EXOC4: variants seen among roughly 807,000 people sequenced by gnomAD.
EXOC4 encodes the protein SEC8-like 1.
EXOC4 carries 71 observed loss-of-function variants against 107.2 expected under a neutral mutation model. That is an observed-to-expected ratio of 0.66 (90% CI 0.55 to 0.81). The LOEUF (loss-of-function observed/expected upper bound fraction) is 0.81. Among genes scored for constraint, EXOC4 ranks in the 30% least tolerant of loss-of-function variants. EXOC4 has a pLI of 0.00. For synonymous variants in EXOC4, 456 were observed against 441.2 expected (o/e 1.03, Z -0.42); for missense variants, 1,108 against 1,189.6 (o/e 0.93, Z 1.01).
chr7:133,315,596 A>T (rs1399121441), intron 4 of EXOC4, among the ~76,000 whole-genome samples: 1 of 152,176 alleles, frequency 6.6e-6, no homozygotes, highest in African/African-American at 2.4e-5. Context: ...GAATGGACAA[A>T]TCTATTATCT....
intron 9 of EXOC4, among the ~76,000 whole-genome samples, chr7:133,494,972 A>G (rs1055957465): frequency 6.6e-6 from 1 of 152,120 alleles, no homozygotes; most frequent in Non-Finnish European, 1.5e-5. Context: ...AATAATATAC[A>G]TTATATTAAA....
At chr7:133,806,084 G>A (rs1471777454) in intron 10 of EXOC4, among the ~76,000 whole-genome samples, 2 of 152,204 alleles carry the variant, frequency 1.3e-5, no homozygotes, top group African/African-American at 2.4e-5. Flanking sequence ...TTCACTGGGG[G>A]TGCCTTAGAC....
intron 11 of EXOC4, among the ~76,000 whole-genome samples, chr7:133,878,644 A>T (rs567038388): frequency 6.6e-6 from 1 of 152,218 alleles, no homozygotes; most frequent in South Asian, 2.1e-4. Context: ...TGGGGAAGTA[A>T]TTGATGTTCT....
chr7:133,362,431 C>T lies in EXOC4; in HGVS notation c.1007+5858C>T, dbSNP rs150195804. Among the ~76,000 whole-genome samples the T allele has an allele frequency of 3.0e-3, 452 of 152,260 alleles. 1 individual carries two copies. Among genetic ancestry groups the T allele is most frequent in the African/African-American group, 9.2e-3 (383 of 41,544 alleles). ...TTGCTGAATAATTCTAACGCTGAGT[C>T]GTTTATCATATGGTGATGGTTCTTC... is the stretch of plus-strand genomic sequence containing the variant. On this transcript the variant is annotated intron_variant, in intron 6 of 17. Coordinates refer to ENST00000253861, the MANE Select transcript of EXOC4 (RefSeq NM_021807.4).
At chr7:133,881,004 A>G (rs1798954692) in intron 11 of EXOC4, among the ~76,000 whole-genome samples, 1 of 152,196 alleles carries the variant, frequency 6.6e-6, no homozygotes, top group African/African-American at 2.4e-5. Context: ...ACAGAGCTTC[A>G]GAGTTTGTTT....
chr7:133,625,931 C>T (rs188683753), intron 9 of EXOC4, among the ~76,000 whole-genome samples: 4 of 152,114 alleles, frequency 2.6e-5, no homozygotes, highest in Admixed American at 6.5e-5. Context: ...TCCTGGCCAG[C>T]GACGGTGGCT....
chr7:133,913,835 A>T (rs946075416), intron 12 of EXOC4, among the ~76,000 whole-genome samples: 5 of 152,218 alleles, frequency 3.3e-5, no homozygotes, highest in Admixed American at 1.3e-4. Context: ...CAAGAAGATG[A>T]GACTGCCCAA....
chr7:133,811,343 A>G (rs998565245), intron 10 of EXOC4, among the ~76,000 whole-genome samples: 1 of 152,292 alleles, frequency 6.6e-6, no homozygotes, highest in Admixed American at 6.5e-5. Flanking sequence ...CATAGAGCTA[A>G]TGAGGAGCAT....
intron 17 of EXOC4, among the ~76,000 whole-genome samples, chr7:134,032,969 A>C (rs1795301426): frequency 6.6e-6 from 1 of 152,208 alleles, no homozygotes; most frequent in Non-Finnish European, 1.5e-5. Flanking sequence ...TGGCAGACTC[A>C]TTACTGTACT....
intron 9 of EXOC4, among the ~76,000 whole-genome samples, chr7:133,523,587 C>A (rs907297980): frequency 4.0e-5 from 6 of 151,532 alleles, no homozygotes; most frequent in Non-Finnish European, 7.4e-5. Context: ...TGCTATCCCT[C>A]CCCCCTTCCC....
chr7:133,695,488 T>C (rs961650927), intron 10 of EXOC4, among the ~76,000 whole-genome samples: 11 of 152,168 alleles, frequency 7.2e-5, no homozygotes, highest in Non-Finnish European at 1.0e-4. Context: ...TCTAGCATTT[T>C]TTTTAATAAG....
intron 10 of EXOC4, among the ~76,000 whole-genome samples, chr7:133,797,955 G>T (rs1796851434): frequency 6.6e-6 from 1 of 152,012 alleles, no homozygotes; most frequent in South Asian, 2.1e-4. Flanking sequence ...GTGCTGTAAA[G>T]AAAAAAAGAG....
At chr7:133,331,782 G>A (rs1022104667) in intron 5 of EXOC4, among the ~76,000 whole-genome samples, 2 of 152,190 alleles carry the variant, frequency 1.3e-5, no homozygotes, top group African/African-American at 4.8e-5. Flanking sequence ...ATGCAGGAAG[G>A]TTGAGTGGTT....
chr7:133,400,392 C>T (rs1181917357), intron 7 of EXOC4, among the ~76,000 whole-genome samples: 1 of 152,162 alleles, frequency 6.6e-6, no homozygotes, highest in African/African-American at 2.4e-5. Context: ...CACTCTGTCC[C>T]TCTGCCCACC....
chr7:133,464,275 A>G (rs765872881), intron 7 of EXOC4, among the ~76,000 whole-genome samples: 1 of 152,094 alleles, frequency 6.6e-6, no homozygotes, highest in East Asian at 1.9e-4. Flanking sequence ...ATTATCTTTT[A>G]TTATTATTTT....
At chr7:133,412,781 T>A (rs1797392426) in intron 7 of EXOC4, among the ~76,000 whole-genome samples, 1 of 152,158 alleles carries the variant, frequency 6.6e-6, no homozygotes, top group Non-Finnish European at 1.5e-5. Context: ...CTGAATCATA[T>A]TAAAATTTAA....
Position 133,614,919 on chromosome 7 carries a change from A to G in EXOC4, c.1418-15126A>G, listed in dbSNP as rs151064915. Reference sequence around the variant, plus strand: ...AACAAAAGACAACTTGATGGTGTTGAGTCCTTTCAAAACAGTGCCAGATGA... The same window carrying G: ...AACAAAAGACAACTTGATGGTGTTGGGTCCTTTCAAAACAGTGCCAGATGA... On this transcript the variant is annotated intron_variant, in intron 9 of 17. Coordinates refer to ENST00000253861, the MANE Select transcript of EXOC4 (RefSeq NM_021807.4). Among the ~76,000 whole-genome samples the G allele has an allele frequency of 2.6e-5, 4 of 151,808 alleles. No individual in the cohort carries two copies. In the East Asian group the frequency reaches 7.8e-4, roughly 30 times the overall value.
intron 9 of EXOC4, chr7:133,576,502 A>G: frequency 7.8e-7 from 1 of 1,286,574 alleles, no homozygotes; most frequent in African/African-American, 1.5e-5. Context: ...ATTTATTTAA[A>G]ACGTTTTCTT....
At chr7:133,436,804 C>T (rs977119527) in intron 7 of EXOC4, among the ~76,000 whole-genome samples, 14 of 152,076 alleles carry the variant, frequency 9.2e-5, no homozygotes, top group African/African-American at 3.4e-4. Context: ...TTTATTTTAG[C>T]TTGTAGGAAA....
Sources: gnomAD v4.1 joint callset for allele counts (sites outside exome capture counted in the v4.1 genomes callset) on GRCh38, gnomAD v4.1.1 for gene constraint, MANE v1.5 for transcripts, NCBI Gene and HGNC (gene_info 2026-07-23, HGNC 2026-07-21) for gene names.